The following UGT2B11 variants were observed in gnomAD, a reference collection of about 807,000 sequenced individuals.
UGT2B11 encodes the protein UDP glucuronosyltransferase family 2 member B11.
A neutral mutation model predicts 51.7 loss-of-function variants in UGT2B11; 49 were observed. The observed-to-expected ratio is 0.95, with a 90% CI of 0.75 to 1.20. The LOEUF (loss-of-function observed/expected upper bound fraction) is 1.20. Ranked by LOEUF, UGT2B11 falls within the 50% of genes most tolerant of loss-of-function variation. The probability of loss-of-function intolerance (pLI) is 0.00; values close to 1 mark genes in which losing one functional copy is unlikely to be tolerated. For synonymous variants in UGT2B11, 273 were observed against 209.0 expected (o/e 1.31, Z -2.64); for missense variants, 810 against 622.1 (o/e 1.30, Z -3.21).
intron 3 of UGT2B11, among the ~76,000 whole-genome samples, chr4:69,207,851 A>G (rs1721915080): frequency 6.6e-6 from 1 of 151,658 alleles, no homozygotes; most frequent in South Asian, 2.1e-4. Flanking sequence ...CTCATTGGAT[A>G]CTGCTGAGAT....
At chr4:69,204,392 C>T (rs544322424) in intron 5 of UGT2B11, 38 bp downstream of exon 5, 11 of 1,607,750 alleles carry the variant, frequency 6.8e-6, no homozygotes, top group South Asian at 3.3e-5. Flanking sequence ...AGAAGCTGTC[C>T]ACAAATACCA....
At chr4:69,212,425 T>A in intron 2 of UGT2B11, 148 bp downstream of exon 2, 1 of 1,372,082 alleles carries the variant, frequency 7.3e-7, no homozygotes, top group Non-Finnish European at 9.9e-7. Context: ...TATTAACATA[T>A]ACATGAGTTT....
At chr4:69,217,465 T>G (rs1722303119), upstream of UGT2B11, among the ~76,000 whole-genome samples, 1 of 152,148 alleles carries the variant, frequency 6.6e-6, no homozygotes, top group Non-Finnish European at 1.5e-5. Context: ...ATGCATTATG[T>G]GTCACCCAGA....
chr4:69,220,117 C>T, the UGT2B11 span, among the ~76,000 whole-genome samples: 1 of 152,158 alleles, frequency 6.6e-6, no homozygotes. Flanking sequence ...GACAAAGGGG[C>T]TACAGGCTCC....
rs758233248 is a variant in UGT2B11, at chr4:69,214,734, G to A, written c.-12C>T. 9.3e-6 allele frequency: 15 copies of A among 1,607,756 alleles called. No homozygotes were observed. Among genetic ancestry groups the A allele is most frequent in the African/African-American group, 2.7e-5 (2 of 74,528 alleles). On this transcript the variant is annotated 5_prime_UTR_variant, in exon 1 of 6. Transcript: ENST00000446444. Reference sequence around the variant, plus strand: ...CATTTCAGAGTCATCCTGGTGCAATGCGATCATTCTTTTCCAGTCACTGTT... The same window carrying A: ...CATTTCAGAGTCATCCTGGTGCAATACGATCATTCTTTTCCAGTCACTGTT...
chr4:69,224,301 G>T, the UGT2B11 span, among the ~76,000 whole-genome samples: 2 of 150,808 alleles, frequency 1.3e-5, no homozygotes, highest in African/African-American at 5.0e-5. Flanking sequence ...AGCCTTTGGA[G>T]GGGCCATGGT....
At chr4:69,216,816 T>C (rs1382844740), upstream of UGT2B11, 1 of 152,140 alleles carries the variant, frequency 6.6e-6, no homozygotes, top group Non-Finnish European at 1.5e-5. Flanking sequence ...ATTGTAAATA[T>C]GGCTGTCTCC....
intron 4 of UGT2B11, among the ~76,000 whole-genome samples, chr4:69,205,148 C>G (rs1392127092): frequency 1.3e-5 from 2 of 151,596 alleles, no homozygotes; most frequent in African/African-American, 2.4e-5. Flanking sequence ...ATTATATTTA[C>G]TGGCATTTGA....
rs1722180704 is a variant in UGT2B11 at position 69,214,226 on chromosome 4, A to C, written c.497T>G (p.Ile166Arg). The C allele has an allele frequency of 6.2e-7, 1 of 1,613,178 alleles. No individual in the cohort carries two copies. The highest frequency in any genetic ancestry group is 1.7e-5 in the Admixed American group (1 of 59,898). The change falls in exon 1 of 6, where the codon ATA (isoleucine) becomes AGA (arginine). Residue 166 changes from isoleucine to arginine, a missense_variant. Transcript: ENST00000446444. ...CGELLAALLN[I>R]RFVYSLRFTP... The stretch of plus-strand genomic sequence containing the variant: ...AAAGCGGAGACTGTACACAAACCGT[A>C]TGTTAAGTAGCGCAGCCAGCAGCTC...
At chr4:69,201,593 T>C (rs1337618337) in intron 5 of UGT2B11, among the ~76,000 whole-genome samples, 2 of 151,836 alleles carry the variant, frequency 1.3e-5, no homozygotes, top group Non-Finnish European at 2.9e-5. Context: ...CTTAGAACTT[T>C]ACACGTTTTG....
chr4:69,213,411 T>C (rs944087591), intron 1 of UGT2B11, among the ~76,000 whole-genome samples: 2 of 151,792 alleles, frequency 1.3e-5, no homozygotes, highest in Non-Finnish European at 3.0e-5. Context: ...AACAAGATAA[T>C]TGGACTTCAA....
upstream of UGT2B11, chr4:69,216,845 AT>A (rs1722286995): frequency 6.6e-6 from 1 of 152,088 alleles, no homozygotes; most frequent in African/African-American, 2.4e-5. Flanking sequence ...AGATAATTTA[AT>A]TGTATATGAA....
At chr4:69,208,001 A>G (rs1301325768) in intron 3 of UGT2B11, among the ~76,000 whole-genome samples, 2 of 151,642 alleles carry the variant, frequency 1.3e-5, no homozygotes, top group African/African-American at 4.8e-5. Flanking sequence ...CACTTACCTG[A>G]AATATATTCA....
chr4:69,212,754 A>T, intron 1 of UGT2B11, 33 bp from the exon 2 acceptor site: 1 of 1,585,032 alleles, frequency 6.3e-7, no homozygotes, highest in Non-Finnish European at 8.5e-7. Flanking sequence ...AAAGTGGATG[A>T]TGTAAGATAA....
upstream of UGT2B11, among the ~76,000 whole-genome samples, chr4:69,218,233 T>C (rs75510458): frequency 9.9e-3 from 1,498 of 152,060 alleles, 17 homozygotes; most frequent in South Asian, 0.046. Flanking sequence ...CAGCATTTGA[T>C]AATATGTACC....
At chr4:69,224,075 A>G in the UGT2B11 span, among the ~76,000 whole-genome samples, 1 of 152,210 alleles carries the variant, frequency 6.6e-6, no homozygotes, top group African/African-American at 2.4e-5. Context: ...CATGGAACGG[A>G]AACACATGCC....
chr4:69,205,347 C>G, intron 4 of UGT2B11, 133 bp downstream of exon 4: 1 of 1,193,980 alleles, frequency 8.4e-7, no homozygotes, highest in Admixed American at 2.6e-5. Flanking sequence ...ATATTCTTTT[C>G]CCCTAGGACT....
rs1560534651 is a variant in UGT2B11, at chr4:69,200,311, A to AT, written c.*128_*129insA. ...TTTTACTTGACAAGGTAGATTTGAAAATTTTTTTTTTTTTTTTTTTTTTGT... is the reference window on the plus strand; with the variant it reads ...TTTTACTTGACAAGGTAGATTTGAAATATTTTTTTTTTTTTTTTTTTTTTGT... On this transcript the variant is annotated 3_prime_UTR_variant, in exon 6 of 6. Transcript: ENST00000446444. 1,029 of 999,886 alleles carry AT rather than the reference A, an allele frequency of 1.0e-3. 3 individuals are homozygous for AT. Among genetic ancestry groups the AT allele is most frequent in the African/African-American group, 5.0e-3 (266 of 53,628 alleles). 61.9% of individuals were successfully genotyped at this position (999,886 alleles called of 1,614,324 possible). A position where few individuals can be genotyped will look rare whatever the true frequency, so the allele number is the denominator to read the frequency against.
At chr4:69,202,562 C>T (rs1404856451) in intron 5 of UGT2B11, among the ~76,000 whole-genome samples, 1 of 151,516 alleles carries the variant, frequency 6.6e-6, no homozygotes, top group East Asian at 2.0e-4. Flanking sequence ...AATGTGTCTT[C>T]AAGTTGATAT....
Sources: allele counts gnomAD v4.1 joint callset (sites outside exome capture counted in the v4.1 genomes callset), GRCh38; gene constraint gnomAD v4.1.1; transcripts MANE v1.5; gene names NCBI Gene and HGNC (gene_info 2026-07-23, HGNC 2026-07-21).